The following GHR variants were observed in gnomAD, a reference collection of about 807,000 sequenced individuals.
GHR encodes the protein growth hormone receptor, also known as GH receptor.
A neutral mutation model predicts 67.1 loss-of-function variants in GHR; 35 were observed. That is an observed-to-expected ratio of 0.52 (90% CI 0.40 to 0.69). The LOEUF (loss-of-function observed/expected upper bound fraction) is 0.69. Among genes scored for constraint, GHR ranks in the 30% least tolerant of loss-of-function variants. GHR has a pLI of 0.00. For missense variants in GHR, 792 were observed against 764.6 expected (o/e 1.04, Z -0.42); for synonymous variants, 272 against 269.1 (o/e 1.01, Z -0.10).
chr5:42,435,741 T>C (rs1743294922), intron 1 of GHR, among the ~76,000 whole-genome samples: 1 of 152,218 alleles, frequency 6.6e-6, no homozygotes, highest in South Asian at 2.1e-4. Context: ...CAGGATTCAA[T>C]CCAGAAGCGT....
chr5:42,594,814 AT>A (rs1385469295), intron 2 of GHR, among the ~76,000 whole-genome samples: 2 of 152,124 alleles, frequency 1.3e-5, no homozygotes, highest in Non-Finnish European at 2.9e-5. Context: ...TGTCTTAGTA[AT>A]TAAAACTAAG....
chr5:42,576,365 A>G (rs2112531685), intron 2 of GHR, among the ~76,000 whole-genome samples: 2 of 152,142 alleles, frequency 1.3e-5, no homozygotes, highest in African/African-American at 4.8e-5. Context: ...GCTGAATACA[A>G]TTAGTCAACT....
At chr5:42,433,462 G>A (rs901187496) in intron 1 of GHR, among the ~76,000 whole-genome samples, 10 of 152,028 alleles carry the variant, frequency 6.6e-5, no homozygotes, top group African/African-American at 2.4e-4. Context: ...CAATCCATTA[G>A]TGTGTTCCCA....
At chr5:42,498,060 T>G (rs970089501) in intron 1 of GHR, among the ~76,000 whole-genome samples, 4 of 152,256 alleles carry the variant, frequency 2.6e-5, no homozygotes, top group Non-Finnish European at 5.9e-5. Flanking sequence ...TACATCCTGA[T>G]AATTACTTTA....
intron 5 of GHR, among the ~76,000 whole-genome samples, chr5:42,697,189 C>T (rs563503972): frequency 6.6e-6 from 1 of 152,338 alleles, no homozygotes; most frequent in East Asian, 1.9e-4. Flanking sequence ...TCAGCTTCCT[C>T]ATAAAATATG....
At chr5:42,596,467 CT>C (rs1240877432) in intron 2 of GHR, among the ~76,000 whole-genome samples, 1 of 152,202 alleles carries the variant, frequency 6.6e-6, no homozygotes, top group East Asian at 1.9e-4. Context: ...AAATGTGCAG[CT>C]GCTCTGCCTT....
intron 2 of GHR, among the ~76,000 whole-genome samples, chr5:42,604,315 ATT>A (rs1260486359): frequency 4.6e-5 from 7 of 152,242 alleles, no homozygotes; most frequent in African/African-American, 1.7e-4. Flanking sequence ...CAAAAAGAGT[ATT>A]AGCTAGTGCT....
chr5:42,426,201 T>C (rs1742847142), intron 1 of GHR, among the ~76,000 whole-genome samples: 3 of 152,206 alleles, frequency 2.0e-5, no homozygotes, highest in Non-Finnish European at 4.4e-5. Context: ...GTTTATAGCA[T>C]AATATAATAA....
chr5:42,677,275 G>C (rs1053136431), intron 3 of GHR, among the ~76,000 whole-genome samples: 3 of 152,038 alleles, frequency 2.0e-5, no homozygotes, highest in African/African-American at 7.3e-5. Context: ...TGACTTCAGA[G>C]TGCCCAGGTC....
chr5:42,484,576 A>C (rs1255831076), intron 1 of GHR, among the ~76,000 whole-genome samples: 1 of 152,224 alleles, frequency 6.6e-6, no homozygotes, highest in Non-Finnish European at 1.5e-5. Context: ...CTTCAGTGTG[A>C]CCATGCTGCC....
At chr5:42,686,913 G>T (rs567897124) in intron 3 of GHR, among the ~76,000 whole-genome samples, 10 of 152,296 alleles carry the variant, frequency 6.6e-5, no homozygotes, top group Non-Finnish European at 1.0e-4. Context: ...TGACATGATT[G>T]TATATTTAGA....
At chr5:42,717,508 C>T (rs12187996) in intron 8 of GHR, among the ~76,000 whole-genome samples, 39,413 of 151,934 alleles carry the variant, frequency 0.26, 5,733 homozygotes, top group Admixed American at 0.38. Context: ...CTGAAATGAA[C>T]CCTGTAGTAA....
chr5:42,553,337 T>C (rs892878493), intron 1 of GHR, among the ~76,000 whole-genome samples: 1 of 152,170 alleles, frequency 6.6e-6, no homozygotes, highest in Admixed American at 6.5e-5. Flanking sequence ...TGTTGGACCA[T>C]GTTCCCCATT....
intron 3 of GHR, among the ~76,000 whole-genome samples, chr5:42,678,775 C>A (rs1465547987): frequency 6.6e-6 from 1 of 151,556 alleles, no homozygotes; most frequent in African/African-American, 2.4e-5. Flanking sequence ...AAAGTAGTGA[C>A]CTGTATTAGT....
chr5:42,516,586 G>A (rs1197564881), intron 1 of GHR, among the ~76,000 whole-genome samples: 1 of 152,120 alleles, frequency 6.6e-6, no homozygotes, highest in African/African-American at 2.4e-5. Flanking sequence ...GAGAAAGTAG[G>A]GAAGAGACAA....
chr5:42,601,496 G>T (rs191127280), intron 2 of GHR, among the ~76,000 whole-genome samples: 46 of 152,140 alleles, frequency 3.0e-4, no homozygotes, highest in Non-Finnish European at 5.3e-4. Flanking sequence ...GGATTTTAGA[G>T]ACCCTGACCC....
Position 42,629,490 on chromosome 5 carries a change from G to A in GHR, c.136+387G>A, listed in dbSNP as rs190380365. Among the ~76,000 whole-genome samples the A allele has an allele frequency of 6.2e-4, 81 of 131,246 alleles. 18 individuals are homozygous for A. In the East Asian group the frequency reaches 7.0e-3, roughly 11 times the overall value. The allele number at this position is 131,246 out of a possible 152,430, so 86.1% of individuals were successfully genotyped here. The stretch of plus-strand genomic sequence containing the variant: ...CCTTCAATCTCTTGCTCCCACTCTC[G>A]CCCTGTGAGACACCTGCTCCGCTTC... On this transcript the variant is annotated intron_variant, in intron 3 of 9. Coordinates refer to ENST00000230882, the MANE Select transcript of GHR (RefSeq NM_000163.5).
At chr5:42,530,117 T>C (rs1015736344) in intron 1 of GHR, among the ~76,000 whole-genome samples, 1 of 151,464 alleles carries the variant, frequency 6.6e-6, no homozygotes, top group Non-Finnish European at 1.5e-5. Flanking sequence ...GATGATTTGA[T>C]ATATGTGTAC....
intron 3 of GHR, among the ~76,000 whole-genome samples, chr5:42,686,869 G>A (rs1757175548): frequency 6.6e-6 from 1 of 152,162 alleles, no homozygotes; most frequent in Non-Finnish European, 1.5e-5. Context: ...ATTCAATTAG[G>A]AAAAGAGGAA....
Sources: allele counts gnomAD v4.1 joint callset (sites outside exome capture counted in the v4.1 genomes callset), GRCh38; gene constraint gnomAD v4.1.1; transcripts MANE v1.5; gene names NCBI Gene and HGNC (gene_info 2026-07-23, HGNC 2026-07-21).